The following PFKFB1 variants were observed in gnomAD, a reference collection of about 807,000 sequenced individuals.
PFKFB1 encodes 6-phosphofructo-2-kinase/fructose-2,6-bisphosphatase 1.
A neutral mutation model predicts 46.4 loss-of-function variants in PFKFB1; 34 were observed. The ratio of observed to expected loss-of-function variants is 0.73; its 90% CI spans 0.56 to 0.98. PFKFB1 has a LOEUF of 0.98. Among genes scored for constraint, PFKFB1 ranks in the 50% least tolerant of loss-of-function variants. The pLI is 0.00. For synonymous variants in PFKFB1, 119 were observed against 133.8 expected (o/e 0.89, Z 0.76); for missense variants, 393 against 376.3 (o/e 1.04, Z -0.37).
intron 4 of PFKFB1, among the ~76,000 whole-genome samples, chrX:54,959,196 G>A (rs1208385530): frequency 1.8e-5 from 2 of 110,539 alleles, no homozygotes; most frequent in African/African-American, 6.6e-5. Context: ...TTATAGGTGA[G>A]GTAACTGAGG....
At position 54,951,899 on chromosome X, in the gene PFKFB1, C is replaced by T; in HGVS notation, c.846+6G>A. ...AACCCATCTGGGTGTGTGTGGCCCA[C>T]CCTACCTGCTTGCCGCGAACTGAGA... On this transcript the variant is annotated splice_donor_region_variant and intron_variant, in intron 8 of 13. Transcript: ENST00000375006. 1 of 1,187,492 alleles carries T rather than the reference C, an allele frequency of 8.4e-7. No individual in the cohort carries two copies. Among genetic ancestry groups the T allele is most frequent in the Non-Finnish European group, 1.1e-6 (1 of 882,128 alleles).
chrX:54,975,151 C>T (rs902649787), intron 1 of PFKFB1, among the ~76,000 whole-genome samples: 1 of 111,409 alleles, frequency 9.0e-6, no homozygotes, highest in African/African-American at 3.3e-5. Context: ...GACATGTGCA[C>T]ACGCATGTTT....
Position 54,963,244 on chromosome X carries a change from T to G in PFKFB1, c.223+13A>C. ...TTTATGGGGTTGTTGAACAAAGGCT[T>G]TCAGAGACATACCTTTAGTTGGTGT... On this transcript the variant is annotated intron_variant, in intron 2 of 13. Coordinates refer to ENST00000375006, the MANE Select transcript of PFKFB1 (RefSeq NM_002625.4). 1 of 1,208,874 alleles carries G rather than the reference T, an allele frequency of 8.3e-7. No individual in the cohort carries two copies. Among genetic ancestry groups the G allele is most frequent in the Non-Finnish European group, 1.1e-6 (1 of 893,704 alleles).
At chrX:54,957,686 C>A (rs1934192333) in intron 6 of PFKFB1, among the ~76,000 whole-genome samples, 1 of 111,164 alleles carries the variant, frequency 9.0e-6, no homozygotes. Flanking sequence ...CTTGTCATTG[C>A]AGGTATAAAA....
At chrX:54,969,977 C>T (rs776496424) in intron 1 of PFKFB1, among the ~76,000 whole-genome samples, 9 of 111,875 alleles carry the variant, frequency 8.0e-5, no homozygotes, top group Non-Finnish European at 1.3e-4. Context: ...GCCATGATCA[C>T]GGCTCACTGC....
At chrX:54,934,657 A>G (rs1268908670) in intron 12 of PFKFB1, among the ~76,000 whole-genome samples, 1 of 111,855 alleles carries the variant, frequency 8.9e-6, no homozygotes, top group East Asian at 2.8e-4. Flanking sequence ...CTAACCTATA[A>G]TTTTCCTCTG....
At chrX:54,962,040 C>T (rs1390561182) in intron 2 of PFKFB1, among the ~76,000 whole-genome samples, 1 of 111,393 alleles carries the variant, frequency 9.0e-6, no homozygotes, top group African/African-American at 3.3e-5. Flanking sequence ...AACCTGCAGG[C>T]CAAGGGGACC....
rs186410936 is a variant in PFKFB1, at chrX:54,949,267, G to A, written c.847-46C>T. 17 of 1,081,189 alleles carry A rather than the reference G, an allele frequency of 1.6e-5. No individual in the cohort carries two copies. In the East Asian group the frequency reaches 5.2e-4, roughly 33 times the overall value. The allele number at this position is 1,081,189 out of a possible 1,213,427, so 89.1% of individuals were successfully genotyped here. A position where few individuals can be genotyped will look rare whatever the true frequency, so the allele number is the denominator to read the frequency against. ...GGAGGAGAGAAGGGGAAAAGGAGAG[G>A]TGAGAGAGAGCAGGGTGGCCATCAG... On this transcript the variant is annotated intron_variant, in intron 8 of 13. Coordinates refer to ENST00000375006, the MANE Select transcript of PFKFB1 (RefSeq NM_002625.4).
intron 1 of PFKFB1, among the ~76,000 whole-genome samples, chrX:54,965,286 T>C (rs910330299): frequency 9.0e-6 from 1 of 110,691 alleles, no homozygotes; most frequent in African/African-American, 3.3e-5. Flanking sequence ...AGAAATAAAA[T>C]CTTGAAGATT....
intron 2 of PFKFB1, 55 bp downstream of exon 2, chrX:54,963,202 G>GT (rs1934369723): frequency 8.4e-7 from 1 of 1,187,243 alleles, no homozygotes; most frequent in Non-Finnish European, 1.1e-6. Flanking sequence ...CCTAAGTAAG[G>GT]TTTTCAGCCA....
At chrX:54,965,898 G>A (rs1325333699) in intron 1 of PFKFB1, among the ~76,000 whole-genome samples, 1 of 109,963 alleles carries the variant, frequency 9.1e-6, no homozygotes, top group East Asian at 2.9e-4. Flanking sequence ...GACTAAAAAA[G>A]TTTCTTTATA....
chrX:54,957,118 A>G (rs925125875), intron 6 of PFKFB1, among the ~76,000 whole-genome samples: 1 of 111,368 alleles, frequency 9.0e-6, no homozygotes, highest in African/African-American at 3.3e-5. Flanking sequence ...CTTCATCCTT[A>G]TCTCCCATGG....
intron 1 of PFKFB1, among the ~76,000 whole-genome samples, chrX:54,991,537 CTCTG>C (rs58762774): frequency 0.23 from 22,384 of 97,740 alleles, 2,588 homozygotes; most frequent in East Asian, 0.44. Context: ...CTCTCTCTCT[CTCTG>C]TGTGTGTGTG....
chrX:54,972,343 C>T (rs1204732922), intron 1 of PFKFB1, among the ~76,000 whole-genome samples: 3 of 108,050 alleles, frequency 2.8e-5, no homozygotes, highest in Non-Finnish European at 5.8e-5. Flanking sequence ...CTTCTCCTGC[C>T]TAATTGCCCT....
chrX:54,971,365 G>C (rs369512036), intron 1 of PFKFB1, among the ~76,000 whole-genome samples: 1 of 102,222 alleles, frequency 9.8e-6, no homozygotes, highest in Non-Finnish European at 2.0e-5. Context: ...GTCAATTTTG[G>C]CTTTTGTTGC....
At chrX:54,950,070 C>T (rs778641359) in intron 8 of PFKFB1, among the ~76,000 whole-genome samples, 2 of 111,948 alleles carry the variant, frequency 1.8e-5, no homozygotes, top group South Asian at 7.5e-4. Context: ...GCTGTGGGAG[C>T]CCAGAGGAGC....
upstream of PFKFB1, among the ~76,000 whole-genome samples, chrX:54,996,036 T>A (rs758725935): frequency 2.2e-3 from 244 of 112,066 alleles, 1 homozygote; most frequent in Middle Eastern, 4.6e-3. Context: ...ATGTAGTAAA[T>A]CAGTGGCCAA....
intron 1 of PFKFB1, among the ~76,000 whole-genome samples, chrX:54,980,883 A>C (rs760291021): frequency 1.8e-5 from 2 of 111,815 alleles, no homozygotes; most frequent in South Asian, 7.4e-4. Flanking sequence ...GAAATGAAGA[A>C]GGTATCAACA....
At chrX:54,998,348 T>C (rs1433392854), upstream of PFKFB1, 28 of 1,046,664 alleles carry the variant, frequency 2.7e-5, no homozygotes, top group Non-Finnish European at 3.5e-5. Flanking sequence ...CCAGAGGGCC[T>C]GAAGAATGGA....
Sources: gnomAD v4.1 joint callset for allele counts (sites outside exome capture counted in the v4.1 genomes callset) on GRCh38, gnomAD v4.1.1 for gene constraint, MANE v1.5 for transcripts, NCBI Gene and HGNC (gene_info 2026-07-23, HGNC 2026-07-21) for gene names.